Variants in C5 observed in about 807,000 individuals in gnomAD.
C5 encodes the protein C3 and PZP-like alpha-2-macroglobulin domain-containing protein 4.
In C5, 140 loss-of-function variants were observed where a neutral mutation model predicts 218.8. The ratio of observed to expected loss-of-function variants is 0.64; its 90% confidence interval spans 0.56 to 0.74. C5 has a LOEUF of 0.74. C5 is among the 30% of genes least tolerant of loss of function. The pLI, the probability that C5 is intolerant of heterozygous loss-of-function variation, is 0.00. For synonymous variants in C5, 614 were observed against 682.3 expected (o/e 0.90, Z 1.56); for missense variants, 1,700 against 1,969.6 (o/e 0.86, Z 2.59).
intron 38 of C5, among the ~76,000 whole-genome samples, chr9:120,958,301 C>T (rs571830415): frequency 6.6e-6 from 1 of 152,314 alleles, no homozygotes; most frequent in South Asian, 2.1e-4. Context: ...GAGAGAACTA[C>T]TTAATTTTGT....
rs1250813243 is a variant in C5, at chr9:120,974,943, C to T, written c.3865-12G>A. 1.2e-6 allele frequency: 2 copies of T among 1,614,078 alleles called. No homozygotes were observed. Among genetic ancestry groups the T allele is most frequent in the Non-Finnish European group, 1.7e-6 (2 of 1,179,954 alleles). On this transcript the variant is annotated splice_polypyrimidine_tract_variant and intron_variant, in intron 29 of 40. Coordinates refer to ENST00000223642, the MANE Select transcript of C5 (RefSeq NM_001735.3). ...GCATTGATTGTGTCCTGTCAGCAAT[C>T]AGCAAGGCACAAAAATATGTTTAGT...
chr9:120,989,210 T>G (rs557616324), intron 24 of C5, 89 bp from the exon 25 acceptor site: 9 of 1,054,044 alleles, frequency 8.5e-6, no homozygotes, highest in Non-Finnish European at 1.3e-5. Flanking sequence ...AATGGTAAGC[T>G]TCCTTTGGTG....
chr9:121,025,513 C>A lies in C5; in HGVS notation c.941G>T (p.Ser314Ile). 1 of 1,612,446 alleles carries A rather than the reference C, an allele frequency of 6.2e-7. No individual in the cohort carries two copies. The highest frequency in any genetic ancestry group is 8.5e-7 in the Non-Finnish European group (1 of 1,179,444). ...GTACTTGTTGTTTAAATCTTCTAAA[C>A]TGTAGTATGACAGTTCTTTGACTGC... ...ETAVKELSYY[S>I]LEDLNNKYLY... The change falls in exon 9 of 41, where the codon AGT becomes ATT. Residue 314 changes from serine to isoleucine, a missense_variant. Coordinates refer to ENST00000223642, the MANE Select transcript of C5 (RefSeq NM_001735.3).
intron 3 of C5, among the ~76,000 whole-genome samples, chr9:121,039,884 G>C (rs2047562046): frequency 6.6e-6 from 1 of 152,070 alleles, no homozygotes; most frequent in Non-Finnish European, 1.5e-5. Flanking sequence ...TGATCCGCCT[G>C]CCTCGGCCTC....
the C5 span, among the ~76,000 whole-genome samples, chr9:121,066,133 C>T: frequency 2.0e-5 from 3 of 151,498 alleles, no homozygotes; most frequent in East Asian, 2.0e-4. Flanking sequence ...GCCAATATGG[C>T]GAAACCCCAT....
At chr9:120,971,327 T>C (rs567975018) in intron 31 of C5, among the ~76,000 whole-genome samples, 5 of 151,874 alleles carry the variant, frequency 3.3e-5, no homozygotes, top group African/African-American at 1.2e-4. Context: ...TACACAGATA[T>C]ATGTATATAC....
intron 17 of C5, among the ~76,000 whole-genome samples, chr9:121,010,051 G>A (rs986029804): frequency 6.6e-6 from 1 of 152,230 alleles, no homozygotes; most frequent in African/African-American, 2.4e-5. Context: ...GTGCTCTAGG[G>A]CCCTAGGTTA....
chr9:121,028,658 C>T (rs2047446606), intron 7 of C5, among the ~76,000 whole-genome samples: 1 of 152,030 alleles, frequency 6.6e-6, no homozygotes, highest in African/African-American at 2.4e-5. Context: ...AACACTTGGA[C>T]ACAGTGCGGG....
intron 33 of C5, among the ~76,000 whole-genome samples, chr9:120,966,121 C>G (rs1564133169): frequency 6.6e-6 from 1 of 152,196 alleles, no homozygotes; most frequent in South Asian, 2.1e-4. Flanking sequence ...AAGTACTACA[C>G]AGTTCCTTTT....
intron 3 of C5, among the ~76,000 whole-genome samples, chr9:121,039,933 G>A (rs1039515186): frequency 2.0e-5 from 3 of 152,176 alleles, no homozygotes; most frequent in Non-Finnish European, 2.9e-5. Flanking sequence ...CACCGCGCCC[G>A]GCCTTGAATG....
chr9:121,002,316 G>GTGTGTGTATA (rs572345213), intron 20 of C5, among the ~76,000 whole-genome samples: 8 of 87,404 alleles, frequency 9.2e-5, no homozygotes, highest in Non-Finnish European at 1.3e-4. Context: ...ATATGTGTGT[G>GTGTGTGTATA]TATATATATA....
At chr9:120,975,629 C>A (rs559649680) in intron 29 of C5, among the ~76,000 whole-genome samples, 3 of 152,202 alleles carry the variant, frequency 2.0e-5, no homozygotes, top group Non-Finnish European at 4.4e-5. Flanking sequence ...GTTTATACTC[C>A]ACTCCCACCA....
chr9:121,046,168 G>T lies in C5; in HGVS notation c.258+23C>A, dbSNP rs766287806. The T allele has an allele frequency of 4.7e-5, 59 of 1,266,158 alleles. No individual in the cohort carries two copies. In the East Asian group the frequency reaches 1.3e-3, roughly 28 times the overall value. The allele number at this position is 1,266,158 out of a possible 1,614,324, so 78.4% of individuals were successfully genotyped here. A position where few individuals can be genotyped will look rare whatever the true frequency, so the allele number is the denominator to read the frequency against. On this transcript the variant is annotated intron_variant, in intron 2 of 40. Coordinates refer to ENST00000223642, the MANE Select transcript of C5 (RefSeq NM_001735.3). Reference sequence around the variant, plus strand: ...AGAATATTCTGTATATATATATAAAGAAAATAAAGGATAAATACATACTGT... The same window carrying T: ...AGAATATTCTGTATATATATATAAATAAAATAAAGGATAAATACATACTGT...
intron 2 of C5, among the ~76,000 whole-genome samples, chr9:121,044,837 CT>C (rs2047612733): frequency 6.6e-6 from 1 of 151,890 alleles, no homozygotes; most frequent in Non-Finnish European, 1.5e-5. Context: ...GCTAGTGCAA[CT>C]GAGATACTGC....
upstream of C5, among the ~76,000 whole-genome samples, chr9:121,054,484 C>T (rs1464283621): frequency 1.3e-5 from 2 of 152,146 alleles, no homozygotes; most frequent in Admixed American, 6.5e-5. Flanking sequence ...CCTGTAATCC[C>T]AGCTACTCAG....
At chr9:121,025,782 A>G (rs1564157708) in intron 8 of C5, 1 of 510,146 alleles carries the variant, frequency 2.0e-6, no homozygotes, top group Non-Finnish European at 3.5e-6. Flanking sequence ...ATAGAAGTAG[A>G]AGGGTCTTGA....
rs546872678 is a variant in C5, at chr9:120,955,886, A to C, written c.4762+1399T>G. On this transcript the variant is annotated intron_variant, in intron 39 of 40. Transcript: ENST00000223642. ...GTGAGACCCCGTCTCAAAAGAAAAA[A>C]AATCAAGCATTTTAGGACTTGAAAT... Among the ~76,000 whole-genome samples the C allele has an allele frequency of 2.6e-5, 4 of 152,260 alleles. No homozygotes were observed. In the South Asian group the frequency reaches 8.3e-4, roughly 32 times the overall value.
intron 39 of C5, 111 bp from the exon 40 acceptor site, chr9:120,953,979 G>T: frequency 9.4e-7 from 1 of 1,066,634 alleles, no homozygotes; most frequent in Non-Finnish European, 1.4e-6. Flanking sequence ...CATGGCTAGT[G>T]GACAGCCGTG....
chr9:121,000,164 C>T lies in C5; in HGVS notation c.2563-2390G>A, dbSNP rs187414357. On this transcript the variant is annotated intron_variant, in intron 20 of 40. Coordinates refer to ENST00000223642, the MANE Select transcript of C5 (RefSeq NM_001735.3). ...GGCCCATGGTCCATAAATTGCTGACCCTTGATTTAGTTCATAAAGCAAAAG... is the reference window on the plus strand; with the variant it reads ...GGCCCATGGTCCATAAATTGCTGACTCTTGATTTAGTTCATAAAGCAAAAG... 4.0e-5 allele frequency: 7 copies of T among 176,464 alleles called. No homozygotes were observed. The Admixed American group carries it at 4.1e-4, about 10-fold the overall frequency. The allele number at this position is 176,464 out of a possible 1,614,324, so 10.9% of individuals were successfully genotyped here. A position where few individuals can be genotyped will look rare whatever the true frequency, so the allele number is the denominator to read the frequency against.
Sources: gnomAD v4.1 joint callset for allele counts (sites outside exome capture counted in the v4.1 genomes callset) on GRCh38, gnomAD v4.1.1 for gene constraint, MANE v1.5 for transcripts, NCBI Gene and HGNC (gene_info 2026-07-23, HGNC 2026-07-21) for gene names.